The following RPSA2 variants were observed in gnomAD, a reference collection of about 807,000 sequenced individuals.
RPSA2 encodes the protein small ribosomal subunit protein uS2B.
the RPSA2 span, among the ~76,000 whole-genome samples, chr19:23,830,509 T>C: frequency 0.17 from 25,347 of 152,218 alleles, 2,963 homozygotes; most frequent in East Asian, 0.51. Context: ...GAAATTGTGG[T>C]TATATACATG....
chr19:23,833,143 T>A, the RPSA2 span: 1 of 1,201,914 alleles, frequency 8.3e-7, no homozygotes, highest in Non-Finnish European at 1.1e-6. Context: ...ACCCTACAAA[T>A]GGGAAGAATG....
At chr19:23,847,458 G>A in the RPSA2 span, among the ~76,000 whole-genome samples, 2 of 152,036 alleles carry the variant, frequency 1.3e-5, no homozygotes, top group South Asian at 2.1e-4. Context: ...ATCACATATC[G>A]GTAGGACCAT....
chr19:23,798,439 T>C, the RPSA2 span, among the ~76,000 whole-genome samples: 1 of 152,162 alleles, frequency 6.6e-6, no homozygotes, highest in East Asian at 1.9e-4. Flanking sequence ...TTATGTGTGG[T>C]GTTGTTAGAC....
At chr19:23,820,507 G>A in the RPSA2 span, among the ~76,000 whole-genome samples, 1 of 152,172 alleles carries the variant, frequency 6.6e-6, no homozygotes, top group Non-Finnish European at 1.5e-5. Context: ...TTTCTAGAGT[G>A]TGGAGCAGTC....
the RPSA2 span, chr19:23,827,299 C>A: frequency 3.1e-5 from 45 of 1,437,774 alleles, no homozygotes; most frequent in South Asian, 5.0e-4. Flanking sequence ...GTGATGGCAT[C>A]TATATCATAA....
At chr19:23,785,518 C>T in the RPSA2 span, among the ~76,000 whole-genome samples, 148,870 of 152,202 alleles carry the variant, frequency 0.98, 72,900 homozygotes, top group Middle Eastern at 1. Context: ...TGGCCTTTTA[C>T]CATAGAAAGC....
the RPSA2 span, among the ~76,000 whole-genome samples, chr19:23,831,107 C>T: frequency 6.8e-6 from 1 of 148,112 alleles, no homozygotes; most frequent in African/African-American, 2.5e-5. Flanking sequence ...TGCTCTACCA[C>T]TTTTTTTTTT....
chr19:23,845,819 G>A, the RPSA2 span, among the ~76,000 whole-genome samples: 1 of 151,352 alleles, frequency 6.6e-6, no homozygotes, highest in African/African-American at 2.4e-5. Context: ...CATTTACAGT[G>A]ACTGTTTGGG....
the RPSA2 span, among the ~76,000 whole-genome samples, chr19:23,804,320 C>CA: frequency 6.1e-5 from 9 of 148,216 alleles, no homozygotes; most frequent in South Asian, 8.6e-4. Flanking sequence ...TTTTTGGAGA[C>CA]GAGTCTTGCT....
chr19:23,870,705 G>A, the RPSA2 span, among the ~76,000 whole-genome samples: 2 of 152,202 alleles, frequency 1.3e-5, no homozygotes, highest in South Asian at 4.1e-4. Flanking sequence ...CCTGCTCATA[G>A]CCTGTAAAAT....
chr19:23,835,055 A>G, the RPSA2 span, among the ~76,000 whole-genome samples: 5 of 152,124 alleles, frequency 3.3e-5, no homozygotes, highest in Non-Finnish European at 4.4e-5. Context: ...TATTCTTTGT[A>G]TTACAAGCAA....
At chr19:23,843,776 T>C in the RPSA2 span, among the ~76,000 whole-genome samples, 317 of 152,324 alleles carry the variant, frequency 2.1e-3, 3 homozygotes, top group African/African-American at 7.3e-3. Context: ...TTCTTTTTTT[T>C]GAGATGAAGT....
the RPSA2 span, chr19:23,832,264 CT>C: frequency 8.9e-6 from 4 of 447,566 alleles, no homozygotes; most frequent in Non-Finnish European, 1.8e-5. Flanking sequence ...GTTCTCAACC[CT>C]TACGAAACAT....
the RPSA2 span, among the ~76,000 whole-genome samples, chr19:23,822,084 G>A: frequency 1.3e-5 from 2 of 152,158 alleles, no homozygotes; most frequent in Non-Finnish European, 2.9e-5. Flanking sequence ...GTCAAATGGA[G>A]TGTAAAACTA....
chr19:23,785,983 A>G, the RPSA2 span, among the ~76,000 whole-genome samples: 1 of 152,152 alleles, frequency 6.6e-6, no homozygotes, highest in Non-Finnish European at 1.5e-5. Flanking sequence ...TCATGTGCAC[A>G]CCCCACCAAT....
the RPSA2 span, among the ~76,000 whole-genome samples, chr19:23,834,585 A>G: frequency 1.3e-5 from 2 of 152,216 alleles, no homozygotes; most frequent in African/African-American, 4.8e-5. Context: ...TCTTAATTTT[A>G]GTTAAAATTA....
At chr19:23,843,325 CA>C in the RPSA2 span, 1 of 162,058 alleles carries the variant, frequency 6.2e-6, no homozygotes. Flanking sequence ...GTACAAAGGT[CA>C]AAAAGAATTC....
the RPSA2 span, among the ~76,000 whole-genome samples, chr19:23,853,829 C>G: frequency 0.98 from 148,967 of 152,296 alleles, 72,949 homozygotes; most frequent in Middle Eastern, 1. Context: ...GATAAATGTT[C>G]TCTGGGGAAT....
the RPSA2 span, among the ~76,000 whole-genome samples, chr19:23,786,673 C>G: frequency 1.3e-5 from 2 of 152,290 alleles, no homozygotes; most frequent in Non-Finnish European, 2.9e-5. Flanking sequence ...CATCACCATA[C>G]TGATGTTACT....
Sources: gnomAD v4.1 joint callset for allele counts (sites outside exome capture counted in the v4.1 genomes callset) on GRCh38, gnomAD v4.1.1 for gene constraint, MANE v1.5 for transcripts, NCBI Gene and HGNC (gene_info 2026-07-23, HGNC 2026-07-21) for gene names.